KDM3B: variants seen among roughly 807,000 people sequenced by gnomAD.
The protein encoded by KDM3B is lysine-specific demethylase 3B.
A neutral mutation model predicts 170.0 loss-of-function variants in KDM3B; 10 were observed. The observed-to-expected ratio is 0.06, with a 90% CI of 0.04 to 0.10. The LOEUF is 0.10. Ranked by LOEUF, KDM3B falls within the 10% of genes least tolerant of loss-of-function variation. The pLI, the probability that KDM3B is intolerant of heterozygous loss-of-function variation, is 1.00. For missense variants in KDM3B, 1,394 were observed against 2,195.2 expected (o/e 0.64, Z 7.29); for synonymous variants, 831 against 834.8 (o/e 1.00, Z 0.08).
At chr5:138,374,644 T>C (rs1761953080) in intron 2 of KDM3B, among the ~76,000 whole-genome samples, 1 of 152,210 alleles carries the variant, frequency 6.6e-6, no homozygotes, top group South Asian at 2.1e-4. Context: ...TTCATGACTT[T>C]TTTATAGGCT....
intron 20 of KDM3B, 80 bp from the exon 21 acceptor site, chr5:138,429,746 T>G: frequency 6.8e-7 from 1 of 1,480,834 alleles, no homozygotes; most frequent in Admixed American, 1.9e-5. Flanking sequence ...AAACTCAATT[T>G]ATTTAAATTG....
At chr5:138,365,852 A>G (rs934528391) in intron 1 of KDM3B, among the ~76,000 whole-genome samples, 1 of 151,976 alleles carries the variant, frequency 6.6e-6, no homozygotes, top group African/African-American at 2.4e-5. Context: ...TACAAAAATT[A>G]GCCGGGCGTG....
chr5:138,398,185 T>A lies in KDM3B; in HGVS notation c.2839T>A (p.Phe947Ile), dbSNP rs1466937144. Residue 947 changes from phenylalanine to isoleucine, a missense_variant, in exon 10 of 24, where the codon TTC becomes ATC. Physicochemically the swap from Phe to Ile is conservative, Grantham distance 21. This residue lies in a region of KDM3B where 76 missense variants were observed against 190.2 expected (regional missense o/e 0.40). Coordinates refer to ENST00000314358, the MANE Select transcript of KDM3B (RefSeq NM_016604.4). The part of the protein sequence containing the change: ...CRFFHFRRLI[F>I]TRKGVLRVEG... ...TATTTGATCATGTCTCAGGTTGATC[T>A]TCACTCGAAAAGGGGTACTCCGTGT... 3.1e-6 allele frequency: 5 copies of A among 1,611,048 alleles called. No individual in the cohort carries two copies. The highest frequency in any genetic ancestry group is 4.2e-6 in the Non-Finnish European group (5 of 1,178,032).
intron 11 of KDM3B, among the ~76,000 whole-genome samples, chr5:138,411,561 G>C (rs544925765): frequency 2.0e-5 from 3 of 152,002 alleles, no homozygotes; most frequent in Admixed American, 6.6e-5. Flanking sequence ...ACTCTAAGTG[G>C]ACCATAGGCC....
At position 138,431,469 on chromosome 5, in the gene KDM3B, A is replaced by G; in HGVS notation, c.5115A>G (p.Val1705=). The G allele has an allele frequency of 6.2e-7, 1 of 1,612,070 alleles. No individual in the cohort carries two copies. The change falls in exon 23 of 24, where the codon GTA becomes GTG. Residue 1705 remains valine, a synonymous_variant. Coordinates refer to ENST00000314358, the MANE Select transcript of KDM3B (RefSeq NM_016604.4). ...YSCIKVAEDF[V]SPEHVKHCFR... ...GCATAAAAGTAGCAGAAGACTTTGT[A>G]TCTCCAGAACATGTAAAGCACTGTT...
chr5:138,399,090 G>A (rs766642635), intron 10 of KDM3B, among the ~76,000 whole-genome samples: 24 of 150,964 alleles, frequency 1.6e-4, no homozygotes, highest in Non-Finnish European at 3.3e-4. Flanking sequence ...GCGTTTCGCC[G>A]TGTTAGCCAG....
intron 1 of KDM3B, among the ~76,000 whole-genome samples, chr5:138,359,019 C>T (rs1761529695): frequency 6.7e-6 from 1 of 149,664 alleles, no homozygotes; most frequent in Non-Finnish European, 1.5e-5. Flanking sequence ...GTTCAATTCC[C>T]ACCTATGAGT....
intron 1 of KDM3B, among the ~76,000 whole-genome samples, chr5:138,365,519 G>A (rs1475977853): frequency 1.3e-5 from 2 of 151,764 alleles, no homozygotes; most frequent in Non-Finnish European, 2.9e-5. Flanking sequence ...CGGCCTCCCA[G>A]AGTGCTGGGA....
intron 1 of KDM3B, among the ~76,000 whole-genome samples, chr5:138,358,302 C>CTTTTTTTTTTT (rs201804669): frequency 9.1e-6 from 1 of 109,804 alleles, no homozygotes; most frequent in Non-Finnish European, 1.8e-5. Context: ...TTCTTTCTTT[C>CTTTTTTTTTTT]TTTCTTTTTT....
Position 138,378,213 on chromosome 5 carries a change from G to A in KDM3B, c.580+388G>A, listed in dbSNP as rs1012976931. 3.3e-5 allele frequency among the ~76,000 whole-genome samples: 5 copies of A among 152,220 alleles called. No homozygotes were observed. The East Asian group carries it at 9.6e-4, about 29-fold the overall frequency. On this transcript the variant is annotated intron_variant, in intron 4 of 23. Coordinates refer to ENST00000314358, the MANE Select transcript of KDM3B (RefSeq NM_016604.4). ...GCATTTCATAATATACAGTTTTATT[G>A]TGAGTTGAGTTTTAGTTTTTTTTAT...
intron 11 of KDM3B, among the ~76,000 whole-genome samples, chr5:138,409,505 T>A (rs1178214221): frequency 6.6e-6 from 1 of 152,052 alleles, no homozygotes; most frequent in African/African-American, 2.4e-5. Flanking sequence ...CATGAAGTGC[T>A]TAGGGACAAA....
intron 11 of KDM3B, among the ~76,000 whole-genome samples, chr5:138,405,577 C>A (rs372436048): frequency 6.8e-6 from 1 of 146,338 alleles, no homozygotes; most frequent in South Asian, 2.2e-4. Context: ...TAGAATGCAC[C>A]ACCAGCAGAT....
intron 1 of KDM3B, among the ~76,000 whole-genome samples, chr5:138,357,510 C>G (rs1332204905): frequency 6.6e-6 from 1 of 151,100 alleles, no homozygotes; most frequent in African/African-American, 2.4e-5. Context: ...ACCACAGATG[C>G]ACACTACCAC....
Position 138,378,087 on chromosome 5 carries a change from G to A in KDM3B, c.580+262G>A, listed in dbSNP as rs566053136. On this transcript the variant is annotated intron_variant, in intron 4 of 23. Coordinates refer to ENST00000314358, the MANE Select transcript of KDM3B (RefSeq NM_016604.4). The stretch of plus-strand genomic sequence containing the variant: ...GTCTTATGGAGGTGTCTGTAACAGA[G>A]GTGAGACTGTGTTATTCTGTCTAAG... Among the ~76,000 whole-genome samples, 5 of 152,250 alleles carry A rather than the reference G, an allele frequency of 3.3e-5. No individual in the cohort carries two copies. The East Asian group carries it at 9.6e-4, about 29-fold the overall frequency.
chr5:138,365,780 C>G (rs1208506558), intron 1 of KDM3B, among the ~76,000 whole-genome samples: 1 of 151,856 alleles, frequency 6.6e-6, no homozygotes. Context: ...GGCTGGATCA[C>G]TTGAGGTCAA....
chr5:138,364,071 C>T (rs1310469263), intron 1 of KDM3B, among the ~76,000 whole-genome samples: 2 of 151,958 alleles, frequency 1.3e-5, no homozygotes, highest in Non-Finnish European at 2.9e-5. Context: ...TGCCACGCCA[C>T]CATGCCTGGC....
At chr5:138,389,794 G>GTA (rs1176817903) in intron 7 of KDM3B, among the ~76,000 whole-genome samples, 1 of 151,476 alleles carries the variant, frequency 6.6e-6, no homozygotes, top group East Asian at 1.9e-4. Context: ...GTGTGTGTGT[G>GTA]TGTGTGTGTG....
rs1053413934 is a variant in KDM3B at position 138,417,577 on chromosome 5, A to G, written c.3402A>G (p.Val1134=). 2 of 1,614,030 alleles carry G rather than the reference A, an allele frequency of 1.2e-6. No individual in the cohort carries two copies. Among genetic ancestry groups the G allele is most frequent in the African/African-American group, 1.3e-5 (1 of 74,916 alleles). Residue 1134 remains valine, a synonymous_variant, in exon 13 of 24, where the codon GTA becomes GTG. Transcript: ENST00000314358. ...GTATCAGTCGACAGAACAAATCTGTATTGAGACCTGCCGTCACCAATGGGA... is the reference window on the plus strand; with the variant it reads ...GTATCAGTCGACAGAACAAATCTGTGTTGAGACCTGCCGTCACCAATGGGA... The part of the protein sequence containing the change: ...CPCISRQNKS[V]LRPAVTNGMS...
chr5:138,361,308 A>G (rs1761603210), intron 1 of KDM3B, among the ~76,000 whole-genome samples: 1 of 145,602 alleles, frequency 6.9e-6, no homozygotes, highest in Non-Finnish European at 1.5e-5. Flanking sequence ...AGATAGTGTG[A>G]CCTCCTTCAG....
Sources: allele counts gnomAD v4.1 joint callset (sites outside exome capture counted in the v4.1 genomes callset), GRCh38; gene constraint gnomAD v4.1.1; regional missense constraint gnomAD v4.1.1; transcripts MANE v1.5; gene names NCBI Gene and HGNC (gene_info 2026-07-23, HGNC 2026-07-21).